Variants in IRAK3 observed in about 807,000 individuals in gnomAD.
The protein encoded by IRAK3 is interleukin-1 receptor-associated kinase 3.
IRAK3 carries 57 observed loss-of-function variants against 56.6 expected under a neutral mutation model. The ratio of observed to expected loss-of-function variants is 1.01; its 90% confidence interval spans 0.81 to 1.26. The LOEUF (loss-of-function observed/expected upper bound fraction) is 1.26, where lower values mean the gene tolerates loss of function less well. IRAK3 is among the 50% of genes most tolerant of loss of function. The pLI is 0.00. For synonymous variants in IRAK3, 258 were observed against 255.7 expected (o/e 1.01, Z -0.09); for missense variants, 703 against 719.0 (o/e 0.98, Z 0.25).
chr12:66,231,611 A>C (rs1257629749), intron 8 of IRAK3, among the ~76,000 whole-genome samples: 2 of 152,244 alleles, frequency 1.3e-5, no homozygotes, highest in Non-Finnish European at 2.9e-5. Context: ...TTCCAAGCCA[A>C]GTCTTGGAAA....
intron 1 of IRAK3, among the ~76,000 whole-genome samples, chr12:66,203,115 G>A (rs1381362129): frequency 6.6e-6 from 1 of 152,150 alleles, no homozygotes; most frequent in Non-Finnish European, 1.5e-5. Flanking sequence ...ACTGGTGGAT[G>A]CAAATATTAG....
intron 8 of IRAK3, among the ~76,000 whole-genome samples, chr12:66,244,244 C>CT (rs2053003298): frequency 6.6e-6 from 1 of 152,192 alleles, no homozygotes; most frequent in Admixed American, 6.5e-5. Flanking sequence ...ACATATGTAT[C>CT]TTTAAGTTTG....
chr12:66,203,705 C>G lies in IRAK3; in HGVS notation c.134-6C>G. On this transcript the variant is annotated splice_region_variant and splice_polypyrimidine_tract_variant and intron_variant, in intron 1 of 11. Transcript: ENST00000261233. The stretch of plus-strand genomic sequence containing the variant: ...CAATTCTTTGTTTATATTGCAATTT[C>G]CACAGCAGAGAGACTTTCAAGCAGC... The G allele has an allele frequency of 6.2e-7, 1 of 1,613,682 alleles. No individual in the cohort carries two copies. Among genetic ancestry groups the G allele is most frequent in the Non-Finnish European group, 8.5e-7 (1 of 1,179,700 alleles).
chr12:66,217,175 A>C lies in IRAK3; in HGVS notation c.593A>C (p.Lys198Thr). The C allele has an allele frequency of 6.2e-7, 1 of 1,607,116 alleles. No individual in the cohort carries two copies. Among genetic ancestry groups the C allele is most frequent in the Non-Finnish European group, 8.5e-7 (1 of 1,173,670 alleles). ...TYAVKLFKQE[K>T]KMQCKKHWKR... ...CTTGTCTTTCTGTATATGTAGGAGA[A>C]AAAAATGCAGTGTAAGAAGCATTGG... Residue 198 changes from lysine to threonine, a missense_variant, in exon 6 of 12, where the codon AAA (lysine) becomes ACA (threonine). Transcript: ENST00000261233.
chr12:66,235,247 C>T (rs2052892394), intron 8 of IRAK3: 2 of 1,594,760 alleles, frequency 1.3e-6, no homozygotes, highest in Non-Finnish European at 1.7e-6. Flanking sequence ...CCGGCAGTTG[C>T]TGCTGCCCCC....
At chr12:66,191,849 A>G (rs1592571468) in intron 1 of IRAK3, among the ~76,000 whole-genome samples, 1 of 152,356 alleles carries the variant, frequency 6.6e-6, no homozygotes, top group Admixed American at 6.5e-5. Context: ...GCTTAAATGT[A>G]GAAAACAACT....
intron 6 of IRAK3, 49 bp downstream of exon 6, chr12:66,217,284 T>C: frequency 7.6e-7 from 1 of 1,323,050 alleles, no homozygotes; most frequent in Non-Finnish European, 1.1e-6. Flanking sequence ...CTGGGTTTCA[T>C]CTCTGTTCAT....
At chr12:66,234,626 A>G in intron 8 of IRAK3, 1 of 1,611,712 alleles carries the variant, frequency 6.2e-7, no homozygotes, top group East Asian at 2.2e-5. Context: ...TCCATCAGAA[A>G]ACTTACACAA....
chr12:66,233,856 T>A (rs1275493530), intron 8 of IRAK3, among the ~76,000 whole-genome samples: 1 of 150,972 alleles, frequency 6.6e-6, no homozygotes, highest in African/African-American at 2.4e-5. Context: ...AATAAACCTG[T>A]TCGGGGGAAC....
Position 66,248,349 on chromosome 12 carries a change from A to G in IRAK3, c.*178A>G. The G allele has an allele frequency of 3.7e-6, 2 of 542,656 alleles. No homozygotes were observed. Among genetic ancestry groups the G allele is most frequent in the East Asian group, 2.9e-5 (1 of 34,670 alleles). 33.6% of individuals were successfully genotyped at this position (542,656 alleles called of 1,614,324 possible). ...TCTTTTTTCCCAAACCCTCAAACAG[A>G]GTGCCTTAAAAAATTGTTTTATCAG... On this transcript the variant is annotated 3_prime_UTR_variant, in exon 12 of 12. Transcript: ENST00000261233.
intron 6 of IRAK3, among the ~76,000 whole-genome samples, chr12:66,218,319 A>G (rs1193483540): frequency 6.6e-6 from 1 of 152,122 alleles, no homozygotes; most frequent in African/African-American, 2.4e-5. Context: ...ACTGTTCACA[A>G]TTTCTTAGAT....
At position 66,242,291 on chromosome 12, in the gene IRAK3, C is replaced by T. The variant is rs377287751; in HGVS notation, c.888-2195C>T. On this transcript the variant is annotated intron_variant, in intron 8 of 11. Coordinates refer to ENST00000261233, the MANE Select transcript of IRAK3 (RefSeq NM_007199.3). ...GGCAAACTCCTGCATTCAAATGCCC[C>T]CAGGACTCTGAAACCCTCAGGGCAT... 1.8e-4 allele frequency among the ~76,000 whole-genome samples: 28 copies of T among 152,270 alleles called. No individual in the cohort carries two copies. The South Asian group carries it at 4.6e-3, about 25-fold the overall frequency.
chr12:66,230,411 C>T (rs1222930133), intron 8 of IRAK3, among the ~76,000 whole-genome samples: 1 of 152,140 alleles, frequency 6.6e-6, no homozygotes, highest in Non-Finnish European at 1.5e-5. Flanking sequence ...GTCATAGAGG[C>T]CTCAGTCCAT....
chr12:66,222,075 C>G (rs889442349), intron 6 of IRAK3, among the ~76,000 whole-genome samples: 3 of 152,124 alleles, frequency 2.0e-5, no homozygotes, highest in Admixed American at 6.5e-5. Flanking sequence ...TTGAATTTAG[C>G]TTGCTAAATT....
At chr12:66,215,737 G>T (rs149842421) in intron 5 of IRAK3, among the ~76,000 whole-genome samples, 1 of 144,314 alleles carries the variant, frequency 6.9e-6, no homozygotes, top group Admixed American at 6.9e-5. Flanking sequence ...AAGTATGGCC[G>T]GACTTTGCCC....
At position 66,248,791 on chromosome 12, in the gene IRAK3, G is replaced by T. The variant is rs1277224200; in HGVS notation, c.*620G>T. 4 of 152,414 alleles carry T rather than the reference G, an allele frequency of 2.6e-5. No individual in the cohort carries two copies. Among genetic ancestry groups the T allele is most frequent in the African/African-American group, 9.7e-5 (4 of 41,404 alleles). 9.4% of individuals were successfully genotyped at this position (152,414 alleles called of 1,614,324 possible). A position where few individuals can be genotyped will look rare whatever the true frequency, so the allele number is the denominator to read the frequency against. Reference sequence around the variant, plus strand: ...TCCCAAGATCTATCCTAAACTCTTAGGACAGTTTATCCTGTATTGACTATT... The same window carrying T: ...TCCCAAGATCTATCCTAAACTCTTATGACAGTTTATCCTGTATTGACTATT... On this transcript the variant is annotated 3_prime_UTR_variant, in exon 12 of 12. Coordinates refer to ENST00000261233, the MANE Select transcript of IRAK3 (RefSeq NM_007199.3).
intron 1 of IRAK3, among the ~76,000 whole-genome samples, chr12:66,199,328 G>A (rs2136915890): frequency 6.6e-6 from 1 of 152,304 alleles, no homozygotes; most frequent in Non-Finnish European, 1.5e-5. Context: ...CGATGGCAGT[G>A]CCACCACTAA....
chr12:66,203,616 A>G (rs1199885424), intron 1 of IRAK3, 95 bp from the exon 2 acceptor site: 1 of 1,119,906 alleles, frequency 8.9e-7, no homozygotes, highest in East Asian at 2.5e-5. Flanking sequence ...AGTTAAAGTT[A>G]TAAATAAGAG....
chr12:66,199,202 A>G (rs2052484163), intron 1 of IRAK3, among the ~76,000 whole-genome samples: 1 of 152,218 alleles, frequency 6.6e-6, no homozygotes, highest in Admixed American at 6.5e-5. Flanking sequence ...TTAACAGGCC[A>G]GGGAAGAGCA....
Sources: gnomAD v4.1 joint callset for allele counts (sites outside exome capture counted in the v4.1 genomes callset) on GRCh38, gnomAD v4.1.1 for gene constraint, MANE v1.5 for transcripts, NCBI Gene and HGNC (gene_info 2026-07-23, HGNC 2026-07-21) for gene names.